The following COL5A2 variants were observed in gnomAD, a reference collection of about 807,000 sequenced individuals.
COL5A2 encodes the protein collagen alpha-2(V) chain.
COL5A2 carries 23 observed loss-of-function variants against 208.2 expected under a neutral mutation model. That is an observed-to-expected ratio of 0.11 (90% confidence interval 0.08 to 0.16). The LOEUF (loss-of-function observed/expected upper bound fraction) is 0.16, where lower values mean the gene tolerates loss of function less well. COL5A2 is among the 10% of genes least tolerant of loss of function. The pLI is 1.00. For synonymous variants in COL5A2, 625 were observed against 628.5 expected (o/e 0.99, Z 0.08); for missense variants, 1,590 against 1,956.4 (o/e 0.81, Z 3.53).
chr2:189,065,172 C>T (rs1413315632), intron 23 of COL5A2, 115 bp from the exon 24 acceptor site: 1 of 923,934 alleles, frequency 1.1e-6, no homozygotes, highest in Admixed American at 2.0e-5. Context: ...ATCAAGCCAA[C>T]ATGGCTATAG....
At chr2:189,336,383 G>A in the COL5A2 span, among the ~76,000 whole-genome samples, 3 of 152,050 alleles carry the variant, frequency 2.0e-5, no homozygotes, top group East Asian at 5.8e-4. Flanking sequence ...TTTACCCAAG[G>A]AATATAAAAA....
chr2:189,409,901 A>T, the COL5A2 span, among the ~76,000 whole-genome samples: 1 of 152,178 alleles, frequency 6.6e-6, no homozygotes, highest in African/African-American at 2.4e-5. Context: ...GAGCACTTAG[A>T]ATCTGTTTGC....
chr2:189,361,076 CA>C, the COL5A2 span, among the ~76,000 whole-genome samples: 2 of 151,522 alleles, frequency 1.3e-5, no homozygotes, highest in East Asian at 1.9e-4. Context: ...GTGTACTCAG[CA>C]GCTGTTGGAT....
chr2:189,348,666 T>G, the COL5A2 span, among the ~76,000 whole-genome samples: 1 of 152,164 alleles, frequency 6.6e-6, no homozygotes, highest in African/African-American at 2.4e-5. Context: ...AAAAATGGGA[T>G]GCAACTCATT....
At chr2:189,087,629 AT>A (rs528975622) in intron 8 of COL5A2, among the ~76,000 whole-genome samples, 10,754 of 120,602 alleles carry the variant, frequency 0.089, 595 homozygotes, top group African/African-American at 0.18. Flanking sequence ...ATTGTTTTGT[AT>A]TTTTTTTTTT....
the COL5A2 span, among the ~76,000 whole-genome samples, chr2:189,326,869 A>C: frequency 6.6e-6 from 1 of 151,912 alleles, no homozygotes; most frequent in Non-Finnish European, 1.5e-5. Flanking sequence ...TCAGGAGTTC[A>C]AGACCAGCCT....
chr2:189,227,459 G>A (rs1274297395), upstream of COL5A2, among the ~76,000 whole-genome samples: 1 of 151,932 alleles, frequency 6.6e-6, no homozygotes, highest in Non-Finnish European at 1.5e-5. Flanking sequence ...AAGAAGATCC[G>A]ACTATGTGCC....
At chr2:189,237,269 T>G in the COL5A2 span, among the ~76,000 whole-genome samples, 1 of 151,736 alleles carries the variant, frequency 6.6e-6, no homozygotes, top group African/African-American at 2.4e-5. Context: ...TTGTTAGTAT[T>G]TTTTTAGAAG....
At chr2:189,082,284 C>A (rs766241269) in intron 12 of COL5A2, among the ~76,000 whole-genome samples, 1 of 152,162 alleles carries the variant, frequency 6.6e-6, no homozygotes, top group African/African-American at 2.4e-5. Flanking sequence ...AGCAATAATT[C>A]GTCTGTGACC....
At chr2:189,235,137 G>A in the COL5A2 span, among the ~76,000 whole-genome samples, 1 of 151,568 alleles carries the variant, frequency 6.6e-6, no homozygotes, top group Non-Finnish European at 1.5e-5. Context: ...CACATTTTAT[G>A]TCCTCAGTAG....
At chr2:189,374,552 T>C in the COL5A2 span, among the ~76,000 whole-genome samples, 2 of 152,062 alleles carry the variant, frequency 1.3e-5, no homozygotes, top group African/African-American at 4.8e-5. Flanking sequence ...GCTTAAAAAA[T>C]TATCAAAGAT....
intron 26 of COL5A2, 38 bp from the exon 27 acceptor site, chr2:189,063,308 G>A: frequency 6.4e-7 from 1 of 1,552,618 alleles, no homozygotes; most frequent in Non-Finnish European, 8.9e-7. Flanking sequence ...TTTCATGTAA[G>A]TTGTTTCTAA....
At chr2:189,035,537 G>A (rs192346397) in intron 52 of COL5A2, among the ~76,000 whole-genome samples, 1 of 152,012 alleles carries the variant, frequency 6.6e-6, no homozygotes, top group East Asian at 1.9e-4. Flanking sequence ...TTACACAATT[G>A]TAGGAAATAC....
At position 189,032,650 on chromosome 2, in the gene COL5A2, A is replaced by G. The variant is rs1685358597; in HGVS notation, c.*1420T>C. 1 of 152,244 alleles carries G rather than the reference A, an allele frequency of 6.6e-6. No homozygotes were observed. The highest frequency in any genetic ancestry group is 1.5e-5 in the Non-Finnish European group (1 of 67,990). The allele number at this position is 152,244 out of a possible 1,614,324, so 9.4% of individuals were successfully genotyped here. A position where few individuals can be genotyped will look rare whatever the true frequency, so the allele number is the denominator to read the frequency against. ...AAATTAAAATAGAGCCAACAAATGC[A>G]ATTAAGAAAAAAAAAGTATTGAGAC... On this transcript the variant is annotated 3_prime_UTR_variant, in exon 54 of 54. Coordinates refer to ENST00000374866, the MANE Select transcript of COL5A2 (RefSeq NM_000393.5).
At chr2:189,143,057 C>T (rs1316387876) in intron 1 of COL5A2, among the ~76,000 whole-genome samples, 2 of 152,176 alleles carry the variant, frequency 1.3e-5, no homozygotes, top group African/African-American at 4.8e-5. Context: ...TAGCCTCTAG[C>T]TTCATGCCAC....
the COL5A2 span, among the ~76,000 whole-genome samples, chr2:189,439,257 G>C: frequency 3.9e-5 from 6 of 152,136 alleles, no homozygotes; most frequent in Non-Finnish European, 7.4e-5. Flanking sequence ...GTAACATACA[G>C]ATTTTGTTAA....
intron 1 of COL5A2, among the ~76,000 whole-genome samples, chr2:189,114,405 CGAAAA>C (rs1323607329): frequency 4.0e-5 from 6 of 151,832 alleles, no homozygotes; most frequent in African/African-American, 1.2e-4. Context: ...TTTACTTAAA[CGAAAA>C]GAAAAGTAAA....
At chr2:189,419,988 G>GGAGGA in the COL5A2 span, among the ~76,000 whole-genome samples, 2 of 142,938 alleles carry the variant, frequency 1.4e-5, no homozygotes, top group African/African-American at 5.2e-5. Flanking sequence ...AGGAAGAGGA[G>GGAGGA]GAGGAGAGGA....
the COL5A2 span, among the ~76,000 whole-genome samples, chr2:189,418,133 C>G: frequency 6.6e-6 from 1 of 151,394 alleles, no homozygotes; most frequent in African/African-American, 2.4e-5. Context: ...TAATGAACAG[C>G]GAAAACACAT....
Sources: allele counts gnomAD v4.1 joint callset (sites outside exome capture counted in the v4.1 genomes callset), GRCh38; gene constraint gnomAD v4.1.1; transcripts MANE v1.5; gene names NCBI Gene and HGNC (gene_info 2026-07-23, HGNC 2026-07-21).